DIAPH2: variants seen among roughly 807,000 people sequenced by gnomAD.
The protein encoded by DIAPH2 is protein diaphanous homolog 2.
Under a neutral mutation model 92.7 loss-of-function variants are expected in DIAPH2, and 35 were observed. The ratio of observed to expected loss-of-function variants is 0.38; its 90% confidence interval spans 0.29 to 0.50. The LOEUF is 0.50. Among genes scored for constraint, DIAPH2 ranks in the 20% least tolerant of loss-of-function variants. The pLI, the probability that DIAPH2 is intolerant of heterozygous loss-of-function variation, is 0.94. For synonymous variants in DIAPH2, 301 were observed against 280.4 expected, an observed-to-expected ratio of 1.07 and a Z score of -0.73; for missense variants, 701 against 819.5, an observed-to-expected ratio of 0.86 and a Z score of 1.77.
At chrX:97,544,233 AT>A (rs2071162794) in intron 26 of DIAPH2, among the ~76,000 whole-genome samples, 1 of 112,096 alleles carries the variant, frequency 8.9e-6, no homozygotes. Flanking sequence ...GGTAAGGCTT[AT>A]TTAAATTGCA....
At chrX:97,247,953 T>A (rs764079875) in intron 23 of DIAPH2, 114 bp downstream of exon 23, 30 of 676,660 alleles carry the variant, frequency 4.4e-5, no homozygotes, top group Middle Eastern at 3.7e-4. Context: ...TCTGGATGAA[T>A]TTGTGTATAT....
intron 17 of DIAPH2, among the ~76,000 whole-genome samples, chrX:97,037,862 T>G (rs758023192): frequency 8.9e-6 from 1 of 112,064 alleles, no homozygotes; most frequent in South Asian, 3.7e-4. Flanking sequence ...TATCATTATT[T>G]TTTAAATTTC....
chrX:96,958,467 A>G (rs2065826881), intron 16 of DIAPH2, among the ~76,000 whole-genome samples: 1 of 112,030 alleles, frequency 8.9e-6, no homozygotes, highest in Non-Finnish European at 1.9e-5. Flanking sequence ...TAATATTTGT[A>G]CGTATTTATG....
intron 23 of DIAPH2, among the ~76,000 whole-genome samples, chrX:97,274,628 T>G (rs1222174291): frequency 9.1e-6 from 1 of 110,393 alleles, no homozygotes; most frequent in Non-Finnish European, 1.9e-5. Context: ...ACAAGTTTTT[T>G]TTTTGTTTTT....
At chrX:97,054,329 T>C (rs191455857) in intron 17 of DIAPH2, among the ~76,000 whole-genome samples, 1 of 112,072 alleles carries the variant, frequency 8.9e-6, no homozygotes, top group East Asian at 2.8e-4. Flanking sequence ...TGTGTCAAAT[T>C]GGTACTACTT....
At chrX:97,275,629 C>T (rs1399777659) in intron 23 of DIAPH2, among the ~76,000 whole-genome samples, 1 of 108,481 alleles carries the variant, frequency 9.2e-6, no homozygotes, top group South Asian at 4.2e-4. Context: ...GGGCTCCTCA[C>T]CTCCCAAACG....
chrX:97,095,883 A>G (rs1005053478), intron 19 of DIAPH2, among the ~76,000 whole-genome samples: 1 of 112,396 alleles, frequency 8.9e-6, no homozygotes, highest in Non-Finnish European at 1.9e-5. Flanking sequence ...TCAATCAATG[A>G]CATAGTTGCT....
intron 19 of DIAPH2, among the ~76,000 whole-genome samples, chrX:97,099,142 T>G (rs188899378): frequency 3.5e-4 from 39 of 111,584 alleles, no homozygotes; most frequent in African/African-American, 1.2e-3. Flanking sequence ...ATTGACTAAT[T>G]ATTGTGACTG....
chrX:97,405,883 A>G (rs924424917), intron 25 of DIAPH2, among the ~76,000 whole-genome samples: 1 of 111,480 alleles, frequency 9.0e-6, no homozygotes, highest in Non-Finnish European at 1.9e-5. Flanking sequence ...TGAAACTCAG[A>G]TTCTACCTTA....
chrX:96,962,328 T>TATATATATACAC (rs1569436457), intron 16 of DIAPH2, among the ~76,000 whole-genome samples: 8 of 69,637 alleles, frequency 1.1e-4, no homozygotes, highest in African/African-American at 4.4e-4. Flanking sequence ...TATATACACA[T>TATATATATACAC]ATATATATAC....
intron 1 of DIAPH2, among the ~76,000 whole-genome samples, chrX:96,703,504 T>C (rs1447032156): frequency 9.0e-6 from 1 of 111,718 alleles, no homozygotes; most frequent in African/African-American, 3.3e-5. Context: ...CCCAGCCTAC[T>C]ATTCTGTAGA....
intron 1 of DIAPH2, among the ~76,000 whole-genome samples, chrX:96,706,061 A>C (rs757827478): frequency 8.0e-5 from 9 of 112,458 alleles, no homozygotes; most frequent in African/African-American, 2.6e-4. Context: ...ACTCTTAAGA[A>C]TTGGGAGTTT....
chrX:97,200,059 A>G (rs1188146565), intron 22 of DIAPH2, among the ~76,000 whole-genome samples: 1 of 110,519 alleles, frequency 9.0e-6, no homozygotes, highest in East Asian at 2.9e-4. Flanking sequence ...GAGAGTGAGC[A>G]CAAGCAGGAT....
At chrX:97,030,670 C>T (rs1465647579) in intron 17 of DIAPH2, among the ~76,000 whole-genome samples, 1 of 111,334 alleles carries the variant, frequency 9.0e-6, no homozygotes, top group Non-Finnish European at 1.9e-5. Context: ...CCTTGTGTTT[C>T]CCATGTGTGT....
rs911209095 is a variant in DIAPH2, at chrX:96,968,586, T to C, written c.2050+3379T>C. Among the ~76,000 whole-genome samples, 4 of 111,979 alleles carry C rather than the reference T, an allele frequency of 3.6e-5. No homozygotes were observed. In the South Asian group the frequency reaches 1.5e-3, roughly 42 times the overall value. On this transcript the variant is annotated intron_variant, in intron 17 of 26. Transcript: ENST00000324765. ...CACTTTTTAATGGGGTTATTTGTTT[T>C]TTTGGTTGTTGATTTCTTTAAGTTC...
At chrX:97,430,985 T>C (rs2070120681) in intron 26 of DIAPH2, among the ~76,000 whole-genome samples, 1 of 111,978 alleles carries the variant, frequency 8.9e-6, no homozygotes, top group African/African-American at 3.2e-5. Context: ...CTTTTATGTA[T>C]ATGAATGCAT....
intron 4 of DIAPH2, among the ~76,000 whole-genome samples, chrX:96,789,076 A>C (rs971901876): frequency 8.9e-6 from 1 of 112,473 alleles, no homozygotes; most frequent in Non-Finnish European, 1.9e-5. Flanking sequence ...ACAGTGACAT[A>C]GTAGAGATGC....
At chrX:96,993,038 A>G (rs1266834201) in intron 17 of DIAPH2, among the ~76,000 whole-genome samples, 2 of 112,653 alleles carry the variant, frequency 1.8e-5, no homozygotes, top group South Asian at 7.3e-4. Context: ...AAATTTCAAC[A>G]AAGTATTTAC....
At chrX:97,391,986 G>A (rs2069664142) in intron 25 of DIAPH2, among the ~76,000 whole-genome samples, 1 of 111,581 alleles carries the variant, frequency 9.0e-6, no homozygotes, top group Admixed American at 9.6e-5. Flanking sequence ...GAAGGCAAAT[G>A]CCATGATAAG....
Sources: allele counts gnomAD v4.1 joint callset (sites outside exome capture counted in the v4.1 genomes callset), GRCh38; gene constraint gnomAD v4.1.1; transcripts MANE v1.5; gene names NCBI Gene and HGNC (gene_info 2026-07-23, HGNC 2026-07-21).